CTNNA2: variants seen among roughly 807,000 people sequenced by gnomAD.
The protein encoded by CTNNA2 is catenin alpha 2, also known as catenin alpha-2.
Under a neutral mutation model 101.0 loss-of-function variants are expected in CTNNA2, and 42 were observed. The observed-to-expected ratio is 0.42, with a 90% CI of 0.32 to 0.54. CTNNA2 has a LOEUF of 0.54. Among genes scored for constraint, CTNNA2 ranks in the 20% least tolerant of loss-of-function variants. CTNNA2 has a pLI of 0.14. For synonymous variants in CTNNA2, 450 were observed against 456.4 expected, an observed-to-expected ratio of 0.99 and a Z score of 0.18; for missense variants, 871 against 1,223.1, an observed-to-expected ratio of 0.71 and a Z score of 4.29.
intron 8 of CTNNA2, among the ~76,000 whole-genome samples, chr2:80,399,056 G>A (rs1186380494): frequency 6.8e-6 from 1 of 147,594 alleles, no homozygotes; most frequent in East Asian, 2.1e-4. Flanking sequence ...TTACAAGCAT[G>A]TGCCACCACG....
At chr2:79,280,803 G>C (rs1675357262) in intron 2 of CTNNA2, among the ~76,000 whole-genome samples, 1 of 151,940 alleles carries the variant, frequency 6.6e-6, no homozygotes, top group Non-Finnish European at 1.5e-5. Context: ...TGCTGTGACT[G>C]CACACCTGAA....
chr2:80,000,628 A>T (rs1692879177), intron 7 of CTNNA2, among the ~76,000 whole-genome samples: 1 of 152,168 alleles, frequency 6.6e-6, no homozygotes, highest in South Asian at 2.1e-4. Context: ...GCAAGGGGGT[A>T]AAGAGATACA....
chr2:79,230,344 A>T (rs1407950163), intron 2 of CTNNA2, among the ~76,000 whole-genome samples: 3 of 152,170 alleles, frequency 2.0e-5, no homozygotes, highest in Non-Finnish European at 4.4e-5. Context: ...AGCCATGGCT[A>T]AAAAGGGCCA....
intron 1 of CTNNA2, among the ~76,000 whole-genome samples, chr2:79,591,702 G>T (rs754881286): frequency 6.6e-6 from 1 of 152,096 alleles, no homozygotes; most frequent in Admixed American, 6.5e-5. Context: ...GTTCTGAGGG[G>T]ATACTGGTCT....
intron 2 of CTNNA2, among the ~76,000 whole-genome samples, chr2:79,287,258 C>T (rs1675628247): frequency 6.6e-6 from 1 of 152,214 alleles, no homozygotes; most frequent in African/African-American, 2.4e-5. Context: ...CTCAGCTCGT[C>T]AAAGTCATTC....
intron 2 of CTNNA2, among the ~76,000 whole-genome samples, chr2:79,220,184 A>ATC (rs1465347718): frequency 1.3e-5 from 2 of 151,380 alleles, no homozygotes; most frequent in Non-Finnish European, 2.9e-5. Context: ...GTGTATATAT[A>ATC]TATGTGTGTG....
chr2:79,570,350 T>C (rs918769568), intron 1 of CTNNA2, among the ~76,000 whole-genome samples: 4 of 152,156 alleles, frequency 2.6e-5, no homozygotes, highest in African/African-American at 4.8e-5. Context: ...AGCAGGTGCC[T>C]AGAAATGATT....
chr2:79,313,301 C>T (rs1676426138), intron 3 of CTNNA2, among the ~76,000 whole-genome samples: 1 of 152,152 alleles, frequency 6.6e-6, no homozygotes, highest in South Asian at 2.1e-4. Context: ...GGTCACATAC[C>T]ACCATTAAAA....
intron 7 of CTNNA2, among the ~76,000 whole-genome samples, chr2:80,373,418 G>A (rs935013128): frequency 6.6e-6 from 1 of 152,072 alleles, no homozygotes; most frequent in Non-Finnish European, 1.5e-5. Flanking sequence ...GCCCATAAGG[G>A]GATAGGTATC....
In CTNNA2 at chr2:80,596,279, G is replaced by GTTTTTTTTTTTTTTT. The variant is rs60132060; in HGVS notation, c.2189+6828_2189+6842dup. Among the ~76,000 whole-genome samples, 32 of 35,324 alleles carry GTTTTTTTTTTTTTTT rather than the reference G, an allele frequency of 9.1e-4. 11 individuals are homozygous for GTTTTTTTTTTTTTTT. The highest frequency in any genetic ancestry group is 1.3e-3 in the Admixed American group (3 of 2,318). The allele number at this position is 35,324 out of a possible 152,430, so 23.2% of individuals were successfully genotyped here. Reference sequence around the variant, plus strand: ...AGTTTTTTTGGGCTGAGACAAGGTTGTTTTTTTTTTTTTTTTTTTTTTTTT... The same window carrying GTTTTTTTTTTTTTTT: ...AGTTTTTTTGGGCTGAGACAAGGTTGTTTTTTTTTTTTTTTTTTTTTTTTTTTTTTTTTTTTTTTT... On this transcript the variant is annotated intron_variant, in intron 15 of 18. Coordinates refer to ENST00000402739, the MANE Select transcript of CTNNA2 (RefSeq NM_001282597.3).
At chr2:79,186,928 G>T (rs1673785100) in intron 1 of CTNNA2, among the ~76,000 whole-genome samples, 1 of 152,142 alleles carries the variant, frequency 6.6e-6, no homozygotes, top group Non-Finnish European at 1.5e-5. Flanking sequence ...TGAAAATTCA[G>T]TAAGTGTCCA....
intron 8 of CTNNA2, among the ~76,000 whole-genome samples, chr2:80,402,710 C>T (rs1678667000): frequency 6.6e-6 from 1 of 150,710 alleles, no homozygotes; most frequent in African/African-American, 2.4e-5. Context: ...ACGAGGGGTT[C>T]AGGAACCAGG....
intron 2 of CTNNA2, among the ~76,000 whole-genome samples, chr2:79,713,323 G>A (rs1365915680): frequency 1.3e-5 from 2 of 152,192 alleles, no homozygotes; most frequent in Non-Finnish European, 2.9e-5. Flanking sequence ...GCTTATGCCT[G>A]TAATCCCATC....
intron 9 of CTNNA2, among the ~76,000 whole-genome samples, chr2:80,458,937 C>T (rs1359923120): frequency 6.6e-6 from 1 of 152,090 alleles, no homozygotes; most frequent in African/African-American, 2.4e-5. Flanking sequence ...AATGAAGCTG[C>T]CCTATACAGA....
intron 2 of CTNNA2, among the ~76,000 whole-genome samples, chr2:79,286,268 T>G (rs1675576895): frequency 6.6e-6 from 1 of 152,178 alleles, no homozygotes; most frequent in South Asian, 2.1e-4. Flanking sequence ...AAAGTTAATA[T>G]TGTTATGTGT....
intron 3 of CTNNA2, among the ~76,000 whole-genome samples, chr2:79,773,407 A>T (rs922077475): frequency 6.6e-6 from 1 of 152,202 alleles, no homozygotes; most frequent in Non-Finnish European, 1.5e-5. Context: ...CTGAGACATC[A>T]ATCAATATAT....
intron 4 of CTNNA2, among the ~76,000 whole-genome samples, chr2:79,429,500 G>A (rs910889156): frequency 9.9e-5 from 15 of 151,946 alleles, no homozygotes; most frequent in Admixed American, 2.0e-4. Flanking sequence ...TCACTTTTAC[G>A]ATGTTCATTT....
chr2:80,485,767 G>A (rs73941150), intron 9 of CTNNA2, among the ~76,000 whole-genome samples: 3,497 of 152,154 alleles, frequency 0.023, 120 homozygotes, highest in African/African-American at 0.079. Flanking sequence ...TCCAGCCAGG[G>A]CACTTTCTAG....
intron 2 of CTNNA2, among the ~76,000 whole-genome samples, chr2:79,285,399 A>G (rs1370584610): frequency 6.7e-6 from 1 of 149,198 alleles, no homozygotes; most frequent in Non-Finnish European, 1.5e-5. Context: ...TTAGTGCTAT[A>G]AATTTCCCTC....
Sources: allele counts gnomAD v4.1 joint callset (sites outside exome capture counted in the v4.1 genomes callset), GRCh38; gene constraint gnomAD v4.1.1; transcripts MANE v1.5; gene names NCBI Gene and HGNC (gene_info 2026-07-23, HGNC 2026-07-21).